Variants in SPATA13 observed in about 807,000 individuals in gnomAD.
SPATA13 encodes spermatogenesis associated 13, also known as spermatogenesis-associated protein 13.
Under a neutral mutation model 104.0 loss-of-function variants are expected in SPATA13, and 50 were observed. That is an observed-to-expected ratio of 0.48 (90% CI 0.38 to 0.61). The LOEUF is 0.61. Ranked by LOEUF, SPATA13 falls within the 20% of genes least tolerant of loss-of-function variation. SPATA13 has a pLI of 0.00. For missense variants in SPATA13, 1,524 were observed against 1,690.6 expected (o/e 0.90, Z 1.73); for synonymous variants, 606 against 667.5 (o/e 0.91, Z 1.42).
In SPATA13 at chr13:24,039,299, C is replaced by CTT. The variant is rs1398343151; in HGVS notation, c.-112+21598_-112+21599insTT. ...CTCTACCAGCTACTACTCAATTTAC[C>CTT]AACCTGGTGTTGACAGCTCTACCTT... On this transcript the variant is annotated intron_variant, in intron 3 of 14. Transcript: ENST00000424834. Among the ~76,000 whole-genome samples, 10 of 152,294 alleles carry CTT rather than the reference C, an allele frequency of 6.6e-5. No individual in the cohort carries two copies. The East Asian group carries it at 1.7e-3, about 26-fold the overall frequency.
At chr13:24,284,865 C>T (rs973867825) in intron 5 of SPATA13, among the ~76,000 whole-genome samples, 9 of 152,236 alleles carry the variant, frequency 5.9e-5, no homozygotes, top group East Asian at 3.9e-4. Context: ...ATCTAAGAAG[C>T]GGACATTATG....
chr13:23,985,172 C>A (rs1875092647), intron 2 of SPATA13, among the ~76,000 whole-genome samples: 1 of 152,230 alleles, frequency 6.6e-6, no homozygotes, highest in African/African-American at 2.4e-5. Flanking sequence ...CCGTCTGCTA[C>A]CGAAGATGGC....
intron 3 of SPATA13, among the ~76,000 whole-genome samples, chr13:24,113,694 AC>A (rs1283082096): frequency 6.6e-6 from 1 of 151,662 alleles, no homozygotes; most frequent in Non-Finnish European, 1.5e-5. Context: ...ACATGGTGAA[AC>A]CCCATCTCTA....
intron 3 of SPATA13, among the ~76,000 whole-genome samples, chr13:24,059,311 C>G (rs1409867953): frequency 1.3e-5 from 2 of 151,306 alleles, no homozygotes; most frequent in Non-Finnish European, 3.0e-5. Context: ...CAGCACAACT[C>G]TTGGGACTTG....
chr13:24,028,775 G>A (rs1170579907), intron 3 of SPATA13, among the ~76,000 whole-genome samples: 3 of 152,042 alleles, frequency 2.0e-5, no homozygotes, highest in African/African-American at 4.8e-5. Context: ...TTACTCAACT[G>A]TGTGTAATCT....
intron 2 of SPATA13, among the ~76,000 whole-genome samples, chr13:24,237,960 A>C (rs1241703024): frequency 6.8e-6 from 1 of 148,068 alleles, no homozygotes; most frequent in African/African-American, 2.5e-5. Context: ...ATAAACATAC[A>C]TGTTTAAATA....
At chr13:24,149,335 T>G (rs1239503256) in intron 3 of SPATA13, among the ~76,000 whole-genome samples, 1 of 152,234 alleles carries the variant, frequency 6.6e-6, no homozygotes, top group African/African-American at 2.4e-5. Context: ...TCGTTTGTCA[T>G]TCTCTTTATG....
chr13:24,035,672 A>G (rs1877651988), intron 3 of SPATA13, among the ~76,000 whole-genome samples: 1 of 152,306 alleles, frequency 6.6e-6, no homozygotes, highest in South Asian at 2.1e-4. Context: ...ATATAAAGCA[A>G]TGGTTCTCTT....
intron 2 of SPATA13, among the ~76,000 whole-genome samples, chr13:23,993,361 G>A (rs1174437348): frequency 6.6e-6 from 1 of 152,238 alleles, no homozygotes; most frequent in African/African-American, 2.4e-5. Flanking sequence ...CCACTAACTA[G>A]TGTGTGACTG....
intron 3 of SPATA13, among the ~76,000 whole-genome samples, chr13:24,114,183 A>G (rs1197008059): frequency 6.6e-6 from 1 of 152,244 alleles, no homozygotes; most frequent in African/African-American, 2.4e-5. Flanking sequence ...CTTTCCAGAA[A>G]CAGCTTTTGG....
In SPATA13 at chr13:24,181,102, ATGACT is replaced by A. The variant is rs1176594375; in HGVS notation, c.-112+20173_-112+20177del. 5.3e-5 allele frequency among the ~76,000 whole-genome samples: 8 copies of A among 152,246 alleles called. No homozygotes were observed. In the East Asian group the frequency reaches 1.5e-3, roughly 29 times the overall value. On this transcript the variant is annotated intron_variant, in intron 1 of 12. Coordinates refer to ENST00000382108, the MANE Select transcript of SPATA13 (RefSeq NM_001166271.3). ...TACGGTATAAAAGTTTTTTTTTTAA[ATGACT>A]TGTCTATGTAGGGCACTTATGAATG... is the stretch of plus-strand genomic sequence containing the variant.
intron 3 of SPATA13, among the ~76,000 whole-genome samples, chr13:24,107,543 A>G (rs1332879641): frequency 6.6e-6 from 1 of 152,236 alleles, no homozygotes; most frequent in East Asian, 1.9e-4. Context: ...GTTTATGGAC[A>G]TTCATAGAGA....
intron 3 of SPATA13, among the ~76,000 whole-genome samples, chr13:24,145,232 A>G (rs144379523): frequency 6.6e-6 from 1 of 152,242 alleles, no homozygotes; most frequent in East Asian, 1.9e-4. Flanking sequence ...AAAGAATCTG[A>G]TTTTTTACAA....
At chr13:24,078,759 A>G (rs990467980) in intron 3 of SPATA13, among the ~76,000 whole-genome samples, 1 of 152,156 alleles carries the variant, frequency 6.6e-6, no homozygotes, top group South Asian at 2.1e-4. Flanking sequence ...TTCCCATTCC[A>G]TGCCAAGGCT....
chr13:24,197,449 T>C (rs1421609428), intron 1 of SPATA13, among the ~76,000 whole-genome samples: 2 of 152,184 alleles, frequency 1.3e-5, no homozygotes, highest in East Asian at 3.8e-4. Flanking sequence ...ACCAGCAGGA[T>C]GTTGCCACTG....
intron 10 of SPATA13, among the ~76,000 whole-genome samples, chr13:24,296,090 A>G (rs1390730503): frequency 2.0e-5 from 3 of 152,216 alleles, no homozygotes; most frequent in Non-Finnish European, 2.9e-5. Flanking sequence ...CAGAGGACTG[A>G]GAAAGTTTGG....
At chr13:24,054,656 A>T (rs1486675347) in intron 3 of SPATA13, among the ~76,000 whole-genome samples, 1 of 152,248 alleles carries the variant, frequency 6.6e-6, no homozygotes, top group East Asian at 1.9e-4. Context: ...CAGAAGAGAA[A>T]ATATGTGAAA....
At chr13:24,113,581 A>G in intron 3 of SPATA13, among the ~76,000 whole-genome samples, 1 of 151,662 alleles carries the variant, frequency 6.6e-6, no homozygotes. Context: ...AAATGAAGCA[A>G]GAAAATAAGG....
intron 1 of SPATA13, among the ~76,000 whole-genome samples, chr13:24,218,211 C>G (rs1005492130): frequency 1.3e-5 from 2 of 152,194 alleles, no homozygotes; most frequent in Non-Finnish European, 2.9e-5. Context: ...GGCAGTGAGC[C>G]AGACCATGGT....
Sources: allele counts gnomAD v4.1 joint callset (sites outside exome capture counted in the v4.1 genomes callset), GRCh38; gene constraint gnomAD v4.1.1; transcripts MANE v1.5; gene names NCBI Gene and HGNC (gene_info 2026-07-23, HGNC 2026-07-21).